Variants in FGF14 observed in about 807,000 individuals in gnomAD.
FGF14 encodes the protein fibroblast growth factor 14.
FGF14 carries 5 observed loss-of-function variants against 25.5 expected under a neutral mutation model. The ratio of observed to expected loss-of-function variants is 0.20; its 90% CI spans 0.10 to 0.41. The LOEUF is 0.41. FGF14 is among the 10% of genes least tolerant of loss of function. FGF14 has a pLI of 1.00. For synonymous variants in FGF14, 138 were observed against 118.3 expected (o/e 1.17, Z -1.08); for missense variants, 222 against 320.1 (o/e 0.69, Z 2.34).
chr13:102,072,241 G>A (rs1475270289), intron 1 of FGF14, among the ~76,000 whole-genome samples: 4 of 152,192 alleles, frequency 2.6e-5, no homozygotes, highest in Non-Finnish European at 4.4e-5. Flanking sequence ...ATTGGAGATA[G>A]CAAAAAGTAG....
intron 1 of FGF14, among the ~76,000 whole-genome samples, chr13:102,330,096 G>A (rs144453180): frequency 4.6e-4 from 70 of 152,262 alleles, no homozygotes; most frequent in African/African-American, 1.5e-3. Context: ...CAGCAGAGAC[G>A]TGTTTCTGTC....
At chr13:102,330,529 T>C (rs2056601519) in intron 1 of FGF14, among the ~76,000 whole-genome samples, 1 of 152,198 alleles carries the variant, frequency 6.6e-6, no homozygotes, top group African/African-American at 2.4e-5. Flanking sequence ...AGGAATAATT[T>C]TGGGACACCT....
chr13:102,162,187 T>C (rs2047808015), intron 1 of FGF14, among the ~76,000 whole-genome samples: 2 of 152,162 alleles, frequency 1.3e-5, no homozygotes, highest in South Asian at 4.1e-4. Flanking sequence ...AATGATGCTC[T>C]CTCAATGGCA....
chr13:102,006,990 C>T (rs4772434), intron 1 of FGF14, among the ~76,000 whole-genome samples: 42,981 of 151,306 alleles, frequency 0.28, 6,959 homozygotes, highest in East Asian at 0.7. Flanking sequence ...ATGATCCACC[C>T]GCCTCGGCCT....
At chr13:102,303,726 T>C (rs1182174215) in intron 1 of FGF14, among the ~76,000 whole-genome samples, 1 of 152,168 alleles carries the variant, frequency 6.6e-6, no homozygotes, top group Non-Finnish European at 1.5e-5. Context: ...TCCCAACCCA[T>C]TGTTTTTCTA....
intron 3 of FGF14, among the ~76,000 whole-genome samples, chr13:101,834,846 A>G (rs956008203): frequency 1.3e-5 from 2 of 152,096 alleles, no homozygotes; most frequent in African/African-American, 4.8e-5. Context: ...TAGGGTCCTA[A>G]GTATTCTGGT....
intron 1 of FGF14, among the ~76,000 whole-genome samples, chr13:102,064,412 C>T (rs1206139468): frequency 2.0e-5 from 3 of 151,936 alleles, no homozygotes; most frequent in African/African-American, 4.8e-5. Context: ...TAATTGAAAA[C>T]GTAACTAAAA....
intron 1 of FGF14, among the ~76,000 whole-genome samples, chr13:101,915,144 G>T (rs1293372929): frequency 6.6e-6 from 1 of 151,780 alleles, no homozygotes; most frequent in Non-Finnish European, 1.5e-5. Flanking sequence ...TCCTATCTTT[G>T]CCTTTGAAGC....
rs56039477 is a variant in FGF14, at chr13:101,764,235, G to A, written c.409-37425C>T. On this transcript the variant is annotated intron_variant, in intron 3 of 4. Coordinates refer to ENST00000376143, the MANE Select transcript of FGF14 (RefSeq NM_004115.4). ...TTGGCTGAACCCTGGGATAGTTTCCGCTGACCCTCTGCCCCTGCTGGAGGT... is the reference window on the plus strand; with the variant it reads ...TTGGCTGAACCCTGGGATAGTTTCCACTGACCCTCTGCCCCTGCTGGAGGT... Among the ~76,000 whole-genome samples, 898 of 152,226 alleles carry A rather than the reference G, an allele frequency of 5.9e-3. 13 individuals are homozygous for A. Among genetic ancestry groups the A allele is most frequent in the African/African-American group, 0.021 (867 of 41,542 alleles).
chr13:101,906,748 G>C (rs920554956), intron 1 of FGF14, among the ~76,000 whole-genome samples: 1 of 152,078 alleles, frequency 6.6e-6, no homozygotes, highest in Admixed American at 6.6e-5. Flanking sequence ...CTTAAAAGCT[G>C]TTTGTCATTT....
chr13:102,284,096 C>T (rs555451446), intron 1 of FGF14, among the ~76,000 whole-genome samples: 20 of 152,292 alleles, frequency 1.3e-4, no homozygotes, highest in African/African-American at 4.8e-4. Context: ...ACTGGAACTT[C>T]AGGCAACACT....
At chr13:102,364,296 A>T (rs1384606823) in intron 1 of FGF14, among the ~76,000 whole-genome samples, 1 of 152,230 alleles carries the variant, frequency 6.6e-6, no homozygotes, top group Non-Finnish European at 1.5e-5. Flanking sequence ...AGCAACCAGG[A>T]TGCTTTAGCA....
intron 1 of FGF14, among the ~76,000 whole-genome samples, chr13:102,038,757 T>C (rs780407955): frequency 2.0e-5 from 3 of 152,140 alleles, no homozygotes; most frequent in Non-Finnish European, 4.4e-5. Flanking sequence ...AGTTTTAATT[T>C]TTAATATTTT....
At chr13:102,208,810 G>C (rs1302960392) in intron 1 of FGF14, among the ~76,000 whole-genome samples, 1 of 152,028 alleles carries the variant, frequency 6.6e-6, no homozygotes, top group African/African-American at 2.4e-5. Context: ...ATCAAGGGTG[G>C]GTCATATTTT....
chr13:102,249,039 T>A (rs1430323417), intron 1 of FGF14, among the ~76,000 whole-genome samples: 2 of 152,040 alleles, frequency 1.3e-5, no homozygotes, highest in Non-Finnish European at 2.9e-5. Flanking sequence ...ATACATGGGT[T>A]CTAGGTATGG....
intron 1 of FGF14, among the ~76,000 whole-genome samples, chr13:102,059,878 AAAG>A (rs1265496733): frequency 1.3e-5 from 2 of 151,868 alleles, no homozygotes; most frequent in African/African-American, 4.8e-5. Flanking sequence ...AACAAAAAAA[AAAG>A]AAAAGAAAGA....
At chr13:101,872,640 T>A (rs2045166757) in intron 2 of FGF14, among the ~76,000 whole-genome samples, 1 of 152,142 alleles carries the variant, frequency 6.6e-6, no homozygotes, top group Non-Finnish European at 1.5e-5. Context: ...GTAATTTCCA[T>A]TACTTTTATA....
At chr13:101,977,011 A>G (rs2037968691) in intron 1 of FGF14, among the ~76,000 whole-genome samples, 1 of 152,214 alleles carries the variant, frequency 6.6e-6, no homozygotes, top group Non-Finnish European at 1.5e-5. Flanking sequence ...AAATAACGTT[A>G]TAAACTTTCC....
intron 1 of FGF14, among the ~76,000 whole-genome samples, chr13:102,244,631 T>C (rs1371852633): frequency 6.6e-6 from 1 of 152,060 alleles, no homozygotes; most frequent in African/African-American, 2.4e-5. Context: ...GAGCTGAATA[T>C]TTTAATCAGG....
Sources: allele counts gnomAD v4.1 joint callset (sites outside exome capture counted in the v4.1 genomes callset), GRCh38; gene constraint gnomAD v4.1.1; transcripts MANE v1.5; gene names NCBI Gene and HGNC (gene_info 2026-07-23, HGNC 2026-07-21).